MAP2: variants seen among roughly 807,000 people sequenced by gnomAD.
MAP2 encodes the protein microtubule associated protein 2, also known as microtubule-associated protein 2.
Under a neutral mutation model 137.6 loss-of-function variants are expected in MAP2, and 14 were observed. The ratio of observed to expected loss-of-function variants is 0.10; its 90% CI spans 0.07 to 0.16. The LOEUF is 0.16. MAP2 is among the 10% of genes least tolerant of loss of function. MAP2 has a pLI of 1.00. For synonymous variants in MAP2, 786 were observed against 782.3 expected (o/e 1.00, Z -0.08); for missense variants, 2,088 against 2,191.5 (o/e 0.95, Z 0.94).
intron 2 of MAP2, among the ~76,000 whole-genome samples, chr2:209,537,625 C>G (rs16843060): frequency 6.6e-6 from 1 of 152,150 alleles, no homozygotes; most frequent in Non-Finnish European, 1.5e-5. Context: ...CCTTCATCAT[C>G]ATTTAGCACA....
intron 3 of MAP2, among the ~76,000 whole-genome samples, chr2:209,613,234 G>A (rs1219166424): frequency 6.8e-6 from 1 of 147,724 alleles, no homozygotes; most frequent in Non-Finnish European, 1.5e-5. Context: ...GTCTCTTAAC[G>A]TGTTTTTTAT....
intron 5 of MAP2, 99 bp from the exon 6 acceptor site, chr2:209,678,473 A>G (rs1016034207): frequency 2.7e-4 from 127 of 478,490 alleles, no homozygotes; most frequent in Non-Finnish European, 1.5e-4. Context: ...TAGGGGGAAG[A>G]AAATGAAATT....
At chr2:209,595,593 C>T (rs531746174) in intron 3 of MAP2, among the ~76,000 whole-genome samples, 124 of 152,268 alleles carry the variant, frequency 8.1e-4, no homozygotes, top group African/African-American at 2.8e-3. Flanking sequence ...TTGGATCCAG[C>T]GATCCCATTA....
At chr2:209,605,605 T>TGCCA (rs1441669792) in intron 3 of MAP2, among the ~76,000 whole-genome samples, 1 of 152,222 alleles carries the variant, frequency 6.6e-6, no homozygotes, top group Non-Finnish European at 1.5e-5. Context: ...ACATCCTTTA[T>TGCCA]GCCACCTTTG....
chr2:209,462,346 A>C (rs1703029742), intron 1 of MAP2, among the ~76,000 whole-genome samples: 1 of 152,244 alleles, frequency 6.6e-6, no homozygotes, highest in Admixed American at 6.5e-5. Flanking sequence ...ATCCTTGAAA[A>C]GTGAGCCACG....
At chr2:209,589,246 G>A (rs546033155) in intron 3 of MAP2, among the ~76,000 whole-genome samples, 53 of 151,986 alleles carry the variant, frequency 3.5e-4, no homozygotes, top group Non-Finnish European at 6.5e-4. Flanking sequence ...AGCTCACAAC[G>A]GTCTTTGGAA....
At chr2:209,724,828 C>T (rs2073217106) in intron 13 of MAP2, among the ~76,000 whole-genome samples, 1 of 152,176 alleles carries the variant, frequency 6.6e-6, no homozygotes, top group Admixed American at 6.5e-5. Context: ...TAAAAGGAGC[C>T]CCAGTCCTGG....
At chr2:209,472,353 T>A (rs1238313368) in intron 1 of MAP2, among the ~76,000 whole-genome samples, 2 of 152,070 alleles carry the variant, frequency 1.3e-5, no homozygotes, top group Admixed American at 6.6e-5. Context: ...TTGTTCAAGG[T>A]ATATCAACAC....
At chr2:209,516,096 G>A (rs12621170) in intron 2 of MAP2, among the ~76,000 whole-genome samples, 34,039 of 152,006 alleles carry the variant, frequency 0.22, 5,109 homozygotes, top group African/African-American at 0.42. Context: ...CACCTGGCCC[G>A]GATAGAATGT....
intron 1 of MAP2, among the ~76,000 whole-genome samples, chr2:209,465,738 T>A (rs545722242): frequency 6.6e-6 from 1 of 152,288 alleles, no homozygotes. Flanking sequence ...AAATGATAAT[T>A]TGGTTAGCAA....
intron 7 of MAP2, chr2:209,684,563 C>T (rs1252507958): frequency 6.6e-6 from 1 of 152,148 alleles, no homozygotes; most frequent in Non-Finnish European, 1.5e-5. Context: ...ACATGGCAAA[C>T]CTTACATTAG....
At chr2:209,648,657 C>T (rs10189911) in intron 4 of MAP2, among the ~76,000 whole-genome samples, 25,545 of 141,912 alleles carry the variant, frequency 0.18, 3,229 homozygotes, top group African/African-American at 0.36. Flanking sequence ...GGCATGTTGG[C>T]GGGCACCTGT....
chr2:209,682,800 G>C (rs1294939207), intron 7 of MAP2, among the ~76,000 whole-genome samples: 1 of 152,152 alleles, frequency 6.6e-6, no homozygotes, highest in African/African-American at 2.4e-5. Context: ...GGGTAGAGCA[G>C]TGGAGTGTGA....
chr2:209,453,614 G>GC (rs1700797991), intron 1 of MAP2, among the ~76,000 whole-genome samples: 1 of 151,960 alleles, frequency 6.6e-6, no homozygotes, highest in Non-Finnish European at 1.5e-5. Flanking sequence ...ATTTATATGT[G>GC]CCCATTTTAT....
intron 1 of MAP2, among the ~76,000 whole-genome samples, chr2:209,446,354 A>G (rs1053553249): frequency 1.3e-5 from 2 of 151,722 alleles, no homozygotes; most frequent in Non-Finnish European, 1.5e-5. Flanking sequence ...ATTACATTGT[A>G]TATTTCATCC....
rs561191394 is a variant in MAP2, at chr2:209,679,751, T to A, written c.377-999T>A. On this transcript the variant is annotated intron_variant, in intron 6 of 15. Transcript: ENST00000682079. ...TTCTCTTAAAACACATAGAGAATTATCTAATCTAAAACATTAACCTTCAGT... is the reference window on the plus strand; with the variant it reads ...TTCTCTTAAAACACATAGAGAATTAACTAATCTAAAACATTAACCTTCAGT... Among the ~76,000 whole-genome samples the A allele has an allele frequency of 2.6e-5, 4 of 152,236 alleles. No homozygotes were observed. The East Asian group carries it at 7.7e-4, about 29-fold the overall frequency.
At chr2:209,501,055 C>G (rs897451862) in intron 1 of MAP2, among the ~76,000 whole-genome samples, 7 of 116,632 alleles carry the variant, frequency 6.0e-5, no homozygotes, top group African/African-American at 2.1e-4. Context: ...AAAAAAAAAG[C>G]CTACTCTATA....
chr2:209,507,380 A>G (rs909670772), intron 1 of MAP2, among the ~76,000 whole-genome samples: 9 of 152,166 alleles, frequency 5.9e-5, no homozygotes, highest in Admixed American at 2.6e-4. Context: ...CATTTAATAT[A>G]TATTTTTTTC....
chr2:209,730,098 A>G, intron 15 of MAP2, 84 bp from the exon 16 acceptor site: 2 of 1,231,724 alleles, frequency 1.6e-6, no homozygotes, highest in Non-Finnish European at 2.4e-6. Context: ...AGAAGTCATT[A>G]ATGTCAGCCC....
Sources: allele counts gnomAD v4.1 joint callset (sites outside exome capture counted in the v4.1 genomes callset), GRCh38; gene constraint gnomAD v4.1.1; transcripts MANE v1.5; gene names NCBI Gene and HGNC (gene_info 2026-07-23, HGNC 2026-07-21).